Variants in MNS1 observed in about 807,000 individuals in gnomAD.
MNS1 encodes meiosis-specific nuclear structural protein 1.
Under a neutral mutation model 72.0 loss-of-function variants are expected in MNS1, and 63 were observed. That is an observed-to-expected ratio of 0.87 (90% CI 0.71 to 1.08). The LOEUF is 1.08. Among genes scored for constraint, MNS1 ranks in the 50% least tolerant of loss-of-function variants. The pLI is 0.00. For missense variants in MNS1, 604 were observed against 562.4 expected (o/e 1.07, Z -0.75); for synonymous variants, 188 against 172.1 (o/e 1.09, Z -0.72).
intron 3 of MNS1, among the ~76,000 whole-genome samples, chr15:56,452,957 G>T (rs1250134729): frequency 6.6e-6 from 1 of 152,128 alleles, no homozygotes; most frequent in Admixed American, 6.5e-5. Flanking sequence ...ATAGCCTCAA[G>T]CCTGCTATGT....
chr15:56,452,122 T>C (rs2050951556), intron 3 of MNS1, among the ~76,000 whole-genome samples: 1 of 152,240 alleles, frequency 6.6e-6, no homozygotes, highest in Non-Finnish European at 1.5e-5. Flanking sequence ...TGTTTGCTTC[T>C]GTGTTGGGGG....
chr15:56,436,463 AG>A (rs1331727231), intron 7 of MNS1, among the ~76,000 whole-genome samples: 4 of 152,252 alleles, frequency 2.6e-5, no homozygotes, highest in Non-Finnish European at 5.9e-5. Flanking sequence ...AGCAGTGTGT[AG>A]AGGGAAATTT....
At chr15:56,445,885 A>G (rs1596263968) in intron 4 of MNS1, 3 of 152,168 alleles carry the variant, frequency 2.0e-5, no homozygotes, top group African/African-American at 2.4e-5. Context: ...CAAACAGGAC[A>G]TTGTTTGTGC....
At chr15:56,450,703 G>A (rs1288374297) in intron 3 of MNS1, among the ~76,000 whole-genome samples, 1 of 152,054 alleles carries the variant, frequency 6.6e-6, no homozygotes, top group Non-Finnish European at 1.5e-5. Context: ...AAATAATGCT[G>A]CACCAAAAGT....
intron 3 of MNS1, among the ~76,000 whole-genome samples, chr15:56,452,976 T>C (rs930457372): frequency 6.6e-6 from 1 of 152,220 alleles, no homozygotes; most frequent in Admixed American, 6.5e-5. Flanking sequence ...GTTAACTCTT[T>C]TTTACATGAG....
At position 56,465,128 on chromosome 15, in the gene MNS1, G is replaced by T; in HGVS notation, c.-156C>A. 1.1e-6 allele frequency: 1 copy of T among 879,660 alleles called. No homozygotes were observed. The highest frequency in any genetic ancestry group is 1.6e-5 in the South Asian group (1 of 61,938). The allele number at this position is 879,660 out of a possible 1,614,324, so 54.5% of individuals were successfully genotyped here. A position where few individuals can be genotyped will look rare whatever the true frequency, so the allele number is the denominator to read the frequency against. ...CGGTGGAGCTGCGCGCCCTCCGCTC[G>T]ACCAAAAGTGACCCACGCAGAACGT... On this transcript the variant is annotated 5_prime_UTR_variant, in exon 1 of 10. Coordinates refer to ENST00000260453, the MANE Select transcript of MNS1 (RefSeq NM_018365.4).
At chr15:56,464,371 G>A (rs2051044690) in intron 1 of MNS1, 124 bp from the exon 2 acceptor site, 1 of 688,898 alleles carries the variant, frequency 1.5e-6, no homozygotes. Context: ...TAAATTCAAA[G>A]GAGTATACCG....
At chr15:56,459,697 T>C (rs1322964919) in intron 2 of MNS1, among the ~76,000 whole-genome samples, 3 of 151,778 alleles carry the variant, frequency 2.0e-5, no homozygotes, top group African/African-American at 4.8e-5. Context: ...GAAGAAACAA[T>C]GACTGGCTGG....
At chr15:56,460,158 GAGA>G in intron 2 of MNS1, among the ~76,000 whole-genome samples, 1 of 150,634 alleles carries the variant, frequency 6.6e-6, no homozygotes, top group East Asian at 1.9e-4. Context: ...GGCAGAGACA[GAGA>G]AGCTTAACAG....
At chr15:56,461,171 C>A (rs60328780) in intron 2 of MNS1, among the ~76,000 whole-genome samples, 1 of 151,852 alleles carries the variant, frequency 6.6e-6, no homozygotes, top group Non-Finnish European at 1.5e-5. Flanking sequence ...GGGCAATGTG[C>A]TTTATACTCA....
intron 4 of MNS1, among the ~76,000 whole-genome samples, chr15:56,446,560 G>A: frequency 6.6e-6 from 1 of 151,712 alleles, no homozygotes; most frequent in South Asian, 2.1e-4. Context: ...AATTTGTACT[G>A]TACTACTTTG....
chr15:56,434,516 G>C, intron 7 of MNS1, 121 bp from the exon 8 acceptor site: 2 of 1,065,138 alleles, frequency 1.9e-6, no homozygotes, highest in Non-Finnish European at 2.6e-6. Context: ...AACTGAAAAA[G>C]TAAGGCTTTT....
intron 7 of MNS1, among the ~76,000 whole-genome samples, chr15:56,438,940 G>A (rs563277462): frequency 2.0e-5 from 3 of 152,182 alleles, no homozygotes; most frequent in East Asian, 1.9e-4. Flanking sequence ...CTAGCCAGTG[G>A]TGCTGGAAAT....
chr15:56,430,925 C>G (rs1232154016), intron 9 of MNS1, among the ~76,000 whole-genome samples: 2 of 152,250 alleles, frequency 1.3e-5, no homozygotes, highest in African/African-American at 4.8e-5. Flanking sequence ...CTTGGGGAGG[C>G]TGAGGCAGAT....
intron 7 of MNS1, among the ~76,000 whole-genome samples, chr15:56,442,986 G>A (rs1248433475): frequency 6.6e-6 from 1 of 151,814 alleles, no homozygotes; most frequent in African/African-American, 2.4e-5. Flanking sequence ...TTTGCTTCAT[G>A]TATTGTGAAG....
At chr15:56,431,929 G>A (rs1231986480) in intron 8 of MNS1, among the ~76,000 whole-genome samples, 3 of 151,990 alleles carry the variant, frequency 2.0e-5, no homozygotes, top group Middle Eastern at 3.4e-3. Flanking sequence ...ATGATATGAA[G>A]CATGAGAATT....
chr15:56,442,910 G>GAA (rs879742910), intron 7 of MNS1, among the ~76,000 whole-genome samples: 9 of 140,424 alleles, frequency 6.4e-5, no homozygotes, highest in African/African-American at 2.3e-4. Context: ...AAGAGAAAAA[G>GAA]AAAAAAAAAA....
Position 56,443,817 on chromosome 15 carries a change from G to C in MNS1, c.724C>G (p.Arg242Gly). Residue 242 changes from arginine to glycine, a missense_variant, in exon 6 of 10, where the codon CGA becomes GGA. By Grantham distance (125) the Arg-to-Gly change is moderately radical (BLOSUM62 -2). Transcript: ENST00000260453. Reference protein sequence around the residue: ...QQKLEKMNAMRRYIEEFQKEQ... With the variant: ...QQKLEKMNAMGRYIEEFQKEQ... ...TTCTGAAACTCTTCTATATACCTTC[G>C]CATTGCATTCATTTTTTCTAACTTT... The C allele has an allele frequency of 6.2e-7, 1 of 1,605,454 alleles. No individual in the cohort carries two copies. Among genetic ancestry groups the C allele is most frequent in the Non-Finnish European group, 8.5e-7 (1 of 1,177,092 alleles).
At chr15:56,461,662 A>T (rs1294796203) in intron 2 of MNS1, among the ~76,000 whole-genome samples, 1 of 97,468 alleles carries the variant, frequency 1.0e-5, no homozygotes, top group Non-Finnish European at 2.1e-5. Context: ...CTCTGTCTCA[A>T]AAAAAAAAAA....
Sources: gnomAD v4.1 joint callset for allele counts (sites outside exome capture counted in the v4.1 genomes callset) on GRCh38, gnomAD v4.1.1 for gene constraint, MANE v1.5 for transcripts, NCBI Gene and HGNC (gene_info 2026-07-23, HGNC 2026-07-21) for gene names.